TRHDE: variants seen among roughly 807,000 people sequenced by gnomAD.
TRHDE encodes thyrotropin releasing hormone degrading enzyme.
Under a neutral mutation model 125.7 loss-of-function variants are expected in TRHDE, and 72 were observed. The ratio of observed to expected loss-of-function variants is 0.57; its 90% confidence interval spans 0.47 to 0.70. The LOEUF (loss-of-function observed/expected upper bound fraction) is 0.70. Ranked by LOEUF, TRHDE falls within the 30% of genes least tolerant of loss-of-function variation. The pLI, the probability that TRHDE is intolerant of heterozygous loss-of-function variation, is 0.00. For missense variants in TRHDE, 1,110 were observed against 1,327.1 expected (o/e 0.84, Z 2.54); for synonymous variants, 509 against 509.1 (o/e 1.00, Z 0.00).
intron 2 of TRHDE, among the ~76,000 whole-genome samples, chr12:72,327,324 T>C (rs889042100): frequency 2.6e-5 from 4 of 152,136 alleles, no homozygotes; most frequent in African/African-American, 7.2e-5. Flanking sequence ...GACTTGAGGG[T>C]TGGGCAGTGA....
At chr12:72,277,768 T>C (rs746859381) in intron 1 of TRHDE, among the ~76,000 whole-genome samples, 60 of 152,334 alleles carry the variant, frequency 3.9e-4, no homozygotes, top group African/African-American at 9.9e-4. Flanking sequence ...GTGTTTCCTG[T>C]AGTGCCATTT....
chr12:72,448,570 C>T (rs191271786), intron 3 of TRHDE, among the ~76,000 whole-genome samples: 1 of 151,866 alleles, frequency 6.6e-6, no homozygotes, highest in African/African-American at 2.4e-5. Context: ...AATATTAATA[C>T]CGAATTCATT....
chr12:72,663,797 T>C lies in TRHDE; in HGVS notation c.*602T>C, dbSNP rs543671619. The C allele has an allele frequency of 1.3e-5, 2 of 152,450 alleles. No individual in the cohort carries two copies. The highest frequency in any genetic ancestry group is 1.9e-4 in the East Asian group (1 of 5,164). The allele number at this position is 152,450 out of a possible 1,614,324, so 9.4% of individuals were successfully genotyped here. A position where few individuals can be genotyped will look rare whatever the true frequency, so the allele number is the denominator to read the frequency against. On this transcript the variant is annotated 3_prime_UTR_variant, in exon 19 of 19. Coordinates refer to ENST00000261180, the MANE Select transcript of TRHDE (RefSeq NM_013381.3). ...ACTTGGATTGTCTGGCAATGATTAC[T>C]GTGTTGCTAACTCATTTTCTTTGAG...
At chr12:72,119,976 C>T (rs1279709914) in intron 2 of TRHDE, among the ~76,000 whole-genome samples, 2 of 151,940 alleles carry the variant, frequency 1.3e-5, no homozygotes, top group African/African-American at 4.8e-5. Flanking sequence ...TTTATTCATT[C>T]AGCCACTCTA....
chr12:72,578,578 A>T (rs929793193), intron 12 of TRHDE, among the ~76,000 whole-genome samples: 2 of 152,010 alleles, frequency 1.3e-5, no homozygotes, highest in African/African-American at 4.8e-5. Context: ...TCAACCACTT[A>T]CTTTTCTGGT....
At chr12:72,595,071 C>T (rs1945103090) in intron 12 of TRHDE, among the ~76,000 whole-genome samples, 1 of 130,566 alleles carries the variant, frequency 7.7e-6, no homozygotes, top group South Asian at 2.4e-4. Context: ...AATGAGAACA[C>T]ATGGACACAA....
At chr12:72,650,017 C>T (rs763011987) in intron 15 of TRHDE, among the ~76,000 whole-genome samples, 17 of 152,030 alleles carry the variant, frequency 1.1e-4, no homozygotes, top group Non-Finnish European at 2.1e-4. Context: ...AATCCAGCAT[C>T]CCATTTGTAG....
At chr12:72,111,196 C>T (rs868231951) in intron 2 of TRHDE, among the ~76,000 whole-genome samples, 1 of 152,116 alleles carries the variant, frequency 6.6e-6, no homozygotes, top group Non-Finnish European at 1.5e-5. Context: ...ATTGAAACAA[C>T]GCAGTAGTCC....
chr12:72,615,907 A>G (rs1270198361), intron 12 of TRHDE, among the ~76,000 whole-genome samples: 3 of 152,158 alleles, frequency 2.0e-5, no homozygotes, highest in Non-Finnish European at 2.9e-5. Context: ...AGTTTCACTT[A>G]AGGAAAACGA....
At chr12:72,502,260 A>G (rs1878189275) in intron 6 of TRHDE, among the ~76,000 whole-genome samples, 1 of 151,770 alleles carries the variant, frequency 6.6e-6, no homozygotes, top group Admixed American at 6.6e-5. Context: ...TTAACTTGAG[A>G]CCTTTCTTCT....
At chr12:72,516,262 C>A (rs1878854904) in intron 6 of TRHDE, among the ~76,000 whole-genome samples, 1 of 151,936 alleles carries the variant, frequency 6.6e-6, no homozygotes, top group Admixed American at 6.6e-5. Context: ...GGTATTGATT[C>A]TTCCTACCCA....
rs968724927 is a variant in TRHDE at position 72,665,781 on chromosome 12, A to G, written c.*2586A>G. The G allele has an allele frequency of 1.3e-5, 2 of 152,132 alleles. No homozygotes were observed. Among genetic ancestry groups the G allele is most frequent in the African/African-American group, 2.4e-5 (1 of 41,460 alleles). 9.4% of individuals were successfully genotyped at this position (152,132 alleles called of 1,614,324 possible). On this transcript the variant is annotated 3_prime_UTR_variant, in exon 19 of 19. Transcript: ENST00000261180. The stretch of plus-strand genomic sequence containing the variant: ...TACAAAAAAGTAGTTTCAATTAGAA[A>G]GGACAACATTATTTATCACATTGAG...
At chr12:72,185,586 G>C (rs1877190239) in intron 2 of TRHDE, among the ~76,000 whole-genome samples, 1 of 151,546 alleles carries the variant, frequency 6.6e-6, no homozygotes, top group South Asian at 2.1e-4. Flanking sequence ...CCTGTGTTTA[G>C]CTCAAGGTTT....
rs58775792 is a variant in TRHDE, at chr12:72,300,603, G to A, written c.1188+13649G>A. The stretch of plus-strand genomic sequence containing the variant: ...GCATGTGTATACTGAGCAGCTCAAA[G>A]ATGTATAGCGTGTGTGTGTGTGTAT... On this transcript the variant is annotated intron_variant, in intron 2 of 18. Transcript: ENST00000261180. Among the ~76,000 whole-genome samples, 745 of 151,598 alleles carry A rather than the reference G, an allele frequency of 4.9e-3. 12 individuals carry two copies. Among genetic ancestry groups the A allele is most frequent in the African/African-American group, 0.017 (715 of 41,300 alleles).
chr12:72,258,776 T>A (rs906650300), intron 2 of TRHDE, among the ~76,000 whole-genome samples: 2 of 152,196 alleles, frequency 1.3e-5, no homozygotes, highest in Non-Finnish European at 2.9e-5. Context: ...TACTTGACTT[T>A]CATGGCCTTG....
intron 2 of TRHDE, among the ~76,000 whole-genome samples, chr12:72,301,638 TCTC>T (rs906995322): frequency 7.9e-5 from 12 of 152,198 alleles, no homozygotes; most frequent in African/African-American, 2.2e-4. Flanking sequence ...ATTTGTGTAT[TCTC>T]CTATACAGAA....
chr12:72,535,742 G>A (rs1398172965), intron 6 of TRHDE, among the ~76,000 whole-genome samples: 1 of 151,714 alleles, frequency 6.6e-6, no homozygotes, highest in Non-Finnish European at 1.5e-5. Flanking sequence ...AGGATTTAAG[G>A]TATGCTTTTA....
At chr12:72,518,173 G>A (rs1446792769) in intron 6 of TRHDE, among the ~76,000 whole-genome samples, 1 of 150,818 alleles carries the variant, frequency 6.6e-6, no homozygotes, top group Admixed American at 6.6e-5. Context: ...GCTTGGTGCA[G>A]AGCTGAGTTC....
At chr12:72,431,704 T>A (rs1008365453) in intron 3 of TRHDE, 5 of 152,116 alleles carry the variant, frequency 3.3e-5, no homozygotes, top group Non-Finnish European at 7.4e-5. Flanking sequence ...ATATACTTCA[T>A]GTATGTGGCC....
Sources: allele counts gnomAD v4.1 joint callset (sites outside exome capture counted in the v4.1 genomes callset), GRCh38; gene constraint gnomAD v4.1.1; transcripts MANE v1.5; gene names NCBI Gene and HGNC (gene_info 2026-07-23, HGNC 2026-07-21).